GPC5: variants seen among roughly 807,000 people sequenced by gnomAD.
GPC5 encodes glypican-5.
GPC5 carries 47 observed loss-of-function variants against 53.9 expected under a neutral mutation model. The ratio of observed to expected loss-of-function variants is 0.87; its 90% CI spans 0.69 to 1.11. The LOEUF (loss-of-function observed/expected upper bound fraction) is 1.11, where lower values mean the gene tolerates loss of function less well. Among genes scored for constraint, GPC5 ranks in the 50% most tolerant of loss-of-function variants. The pLI, the probability that GPC5 is intolerant of heterozygous loss-of-function variation, is 0.00. For missense variants in GPC5, 748 were observed against 713.1 expected, an observed-to-expected ratio of 1.05 and a Z score of -0.56; for synonymous variants, 286 against 263.3, an observed-to-expected ratio of 1.09 and a Z score of -0.84.
At chr13:91,490,654 G>A (rs1256006610) in intron 2 of GPC5, among the ~76,000 whole-genome samples, 1 of 152,102 alleles carries the variant, frequency 6.6e-6, no homozygotes, top group African/African-American at 2.4e-5. Flanking sequence ...AACACAATAG[G>A]AGTTGAGTAT....
intron 7 of GPC5, among the ~76,000 whole-genome samples, chr13:92,326,899 T>A (rs1335847471): frequency 6.6e-6 from 1 of 152,130 alleles, no homozygotes; most frequent in Non-Finnish European, 1.5e-5. Context: ...TGTCCCTTAC[T>A]AGCCGTAAAC....
intron 5 of GPC5, among the ~76,000 whole-genome samples, chr13:91,846,117 C>T (rs1004507122): frequency 2.0e-5 from 3 of 152,010 alleles, no homozygotes; most frequent in African/African-American, 7.2e-5. Context: ...TGTGGGGCTC[C>T]CTCCACATGA....
intron 2 of GPC5, among the ~76,000 whole-genome samples, chr13:91,561,954 T>C (rs1321190365): frequency 1.3e-5 from 2 of 152,080 alleles, no homozygotes; most frequent in African/African-American, 4.8e-5. Flanking sequence ...GCCATCTACT[T>C]TGTACCATTA....
At chr13:92,594,629 AT>A (rs1883810087) in intron 7 of GPC5, among the ~76,000 whole-genome samples, 1 of 152,076 alleles carries the variant, frequency 6.6e-6, no homozygotes, top group African/African-American at 2.4e-5. Flanking sequence ...ACACCATCCA[AT>A]TTTTTCTGCA....
rs574463375 is a variant in GPC5, at chr13:91,949,135, G to C, written c.1401+41078G>C. ...ATGTTTTATCTTTGAAATGTTCTTT[G>C]TGTGTTGCTGCCCATTTGTTTTGTG... is the stretch of plus-strand genomic sequence containing the variant. On this transcript the variant is annotated intron_variant, in intron 6 of 7. Coordinates refer to ENST00000377067, the MANE Select transcript of GPC5 (RefSeq NM_004466.6). Among the ~76,000 whole-genome samples the C allele has an allele frequency of 2.6e-5, 4 of 152,196 alleles. No homozygotes were observed. The South Asian group carries it at 8.3e-4, about 32-fold the overall frequency.
intron 7 of GPC5, among the ~76,000 whole-genome samples, chr13:92,177,747 C>T (rs2042118785): frequency 6.6e-6 from 1 of 152,140 alleles, no homozygotes; most frequent in Non-Finnish European, 1.5e-5. Flanking sequence ...CTAAACTCAG[C>T]CTCCTCTTTT....
intron 2 of GPC5, among the ~76,000 whole-genome samples, chr13:91,576,909 A>G (rs1300937020): frequency 6.7e-6 from 1 of 149,554 alleles, no homozygotes; most frequent in African/African-American, 2.5e-5. Context: ...TGCTTACAAT[A>G]TTTAGCTTCT....
intron 7 of GPC5, among the ~76,000 whole-genome samples, chr13:92,522,303 A>G (rs528782476): frequency 2.6e-5 from 4 of 152,338 alleles, no homozygotes; most frequent in Non-Finnish European, 4.4e-5. Flanking sequence ...ATGCTGCTAT[A>G]AAAACACATG....
At chr13:92,423,074 G>A (rs934631917) in intron 7 of GPC5, among the ~76,000 whole-genome samples, 1 of 150,920 alleles carries the variant, frequency 6.6e-6, no homozygotes, top group African/African-American at 2.4e-5. Flanking sequence ...CCCGCTTCCT[G>A]GTTCATAGAT....
chr13:91,916,322 C>T (rs977894457), intron 6 of GPC5, among the ~76,000 whole-genome samples: 1 of 152,086 alleles, frequency 6.6e-6, no homozygotes, highest in African/African-American at 2.4e-5. Flanking sequence ...TACGTGTCTA[C>T]ACAAAAACTT....
chr13:91,513,354 T>TTGTG (rs139449591), intron 2 of GPC5, among the ~76,000 whole-genome samples: 14,523 of 149,498 alleles, frequency 0.097, 760 homozygotes, highest in Middle Eastern at 0.13. Flanking sequence ...TTGTTTTCAT[T>TTGTG]TGTGTGTGTG....
chr13:92,596,118 T>A (rs1454192371), intron 7 of GPC5, among the ~76,000 whole-genome samples: 1 of 152,124 alleles, frequency 6.6e-6, no homozygotes, highest in East Asian at 1.9e-4. Context: ...ATTTTTCAGA[T>A]GAAGAAATGT....
intron 2 of GPC5, among the ~76,000 whole-genome samples, chr13:91,576,869 T>A (rs2032157159): frequency 6.6e-6 from 1 of 152,182 alleles, no homozygotes; most frequent in Non-Finnish European, 1.5e-5. Context: ...CATAAAACTC[T>A]TAATGTCACA....
At chr13:91,956,899 G>T (rs935984349) in intron 6 of GPC5, among the ~76,000 whole-genome samples, 3 of 151,960 alleles carry the variant, frequency 2.0e-5, no homozygotes, top group Non-Finnish European at 4.4e-5. Flanking sequence ...TCAAAGTAAG[G>T]ACACAAGAAA....
chr13:92,415,102 A>G (rs1200132861), intron 7 of GPC5, among the ~76,000 whole-genome samples: 5 of 152,232 alleles, frequency 3.3e-5, no homozygotes, highest in Non-Finnish European at 7.3e-5. Flanking sequence ...TGGAATGTGG[A>G]GCAGCAAGTG....
chr13:92,506,320 C>T (rs1880367651), intron 7 of GPC5, among the ~76,000 whole-genome samples: 1 of 152,012 alleles, frequency 6.6e-6, no homozygotes, highest in Non-Finnish European at 1.5e-5. Flanking sequence ...AACAATATTA[C>T]ACTGTTTATA....
intron 7 of GPC5, among the ~76,000 whole-genome samples, chr13:92,661,467 A>T (rs551554359): frequency 1.3e-5 from 2 of 152,312 alleles, no homozygotes; most frequent in East Asian, 3.9e-4. Context: ...TATAAACAAA[A>T]TACATTTTAG....
intron 7 of GPC5, among the ~76,000 whole-genome samples, chr13:92,254,765 A>G (rs1181345252): frequency 6.6e-6 from 1 of 152,108 alleles, no homozygotes; most frequent in Non-Finnish European, 1.5e-5. Flanking sequence ...AGGGGCGAAA[A>G]AGTCCCTTAT....
intron 7 of GPC5, among the ~76,000 whole-genome samples, chr13:92,571,798 G>A (rs1202318590): frequency 6.6e-6 from 1 of 152,062 alleles, no homozygotes; most frequent in Middle Eastern, 3.2e-3. Flanking sequence ...CAGCACTTTG[G>A]GAGGCGAAGG....
Sources: allele counts gnomAD v4.1 joint callset (sites outside exome capture counted in the v4.1 genomes callset), GRCh38; gene constraint gnomAD v4.1.1; transcripts MANE v1.5; gene names NCBI Gene and HGNC (gene_info 2026-07-23, HGNC 2026-07-21).